PRR16: variants seen among roughly 807,000 people sequenced by gnomAD.
PRR16 encodes protein Largen.
In PRR16, 6 loss-of-function variants were observed where a neutral mutation model predicts 18.2. The observed-to-expected ratio is 0.33, with a 90% CI of 0.18 to 0.65. PRR16 has a LOEUF of 0.65. Among genes scored for constraint, PRR16 ranks in the 30% least tolerant of loss-of-function variants. PRR16 has a pLI of 0.74. For synonymous variants in PRR16, 151 were observed against 147.8 expected (o/e 1.02, Z -0.16); for missense variants, 412 against 376.6 (o/e 1.09, Z -0.78).
intron 1 of PRR16, among the ~76,000 whole-genome samples, chr5:120,605,459 CTT>C (rs1754123723): frequency 6.6e-6 from 1 of 152,092 alleles, no homozygotes; most frequent in African/African-American, 2.4e-5. Flanking sequence ...TGGGTTTAAA[CTT>C]TGTCCTGTAT....
At chr5:120,754,172 A>C in the PRR16 span, among the ~76,000 whole-genome samples, 2 of 17,132 alleles carry the variant, frequency 1.2e-4, no homozygotes, top group African/African-American at 4.2e-4. Flanking sequence ...TATAAATATA[A>C]ATATAAATAT....
At chr5:120,481,756 A>C (rs899887629) in intron 1 of PRR16, among the ~76,000 whole-genome samples, 3 of 152,182 alleles carry the variant, frequency 2.0e-5, no homozygotes, top group Non-Finnish European at 2.9e-5. Context: ...TTAGTGATAA[A>C]ATTTTAAATT....
chr5:120,701,796 G>A, the PRR16 span, among the ~76,000 whole-genome samples: 1 of 151,998 alleles, frequency 6.6e-6, no homozygotes, highest in Non-Finnish European at 1.5e-5. Context: ...GACTAGGAAG[G>A]GACTGATGTG....
the PRR16 span, among the ~76,000 whole-genome samples, chr5:120,726,583 T>C: frequency 6.6e-6 from 1 of 152,136 alleles, no homozygotes; most frequent in Non-Finnish European, 1.5e-5. Context: ...TTCTTACAAA[T>C]TTTAATGTTT....
chr5:120,619,035 CA>C (rs1754603827), intron 1 of PRR16, among the ~76,000 whole-genome samples: 1 of 152,096 alleles, frequency 6.6e-6, no homozygotes, highest in Admixed American at 6.6e-5. Context: ...TATAAACAGA[CA>C]GTATCCTTCT....
At chr5:120,714,884 A>G in the PRR16 span, among the ~76,000 whole-genome samples, 7 of 152,186 alleles carry the variant, frequency 4.6e-5, no homozygotes, top group African/African-American at 1.7e-4. Context: ...AAACTAACAC[A>G]GGAACAGAAA....
intron 1 of PRR16, among the ~76,000 whole-genome samples, chr5:120,477,019 T>A (rs1046370305): frequency 3.9e-5 from 6 of 152,180 alleles, no homozygotes; most frequent in Non-Finnish European, 7.4e-5. Context: ...TCTTTAATAA[T>A]CTTTCTTCAC....
At chr5:120,652,130 A>G (rs1252051099) in intron 1 of PRR16, among the ~76,000 whole-genome samples, 1 of 152,036 alleles carries the variant, frequency 6.6e-6, no homozygotes, top group Non-Finnish European at 1.5e-5. Context: ...GACTTCATTT[A>G]TGACTGTTTC....
chr5:120,691,288 T>G (rs1414777138), downstream of PRR16, among the ~76,000 whole-genome samples: 1 of 152,184 alleles, frequency 6.6e-6, no homozygotes, highest in Non-Finnish European at 1.5e-5. Flanking sequence ...GATCAGTTAT[T>G]TTGACGCTTG....
the PRR16 span, among the ~76,000 whole-genome samples, chr5:120,741,082 T>C: frequency 6.6e-6 from 1 of 152,048 alleles, no homozygotes; most frequent in African/African-American, 2.4e-5. Context: ...TTCTTCTGTA[T>C]CTGATATTTT....
chr5:120,734,571 T>C, the PRR16 span, among the ~76,000 whole-genome samples: 1 of 152,110 alleles, frequency 6.6e-6, no homozygotes, highest in African/African-American at 2.4e-5. Context: ...AAAATTCTTA[T>C]AGCAGTACCT....
chr5:120,598,134 T>C (rs541301792), intron 1 of PRR16, among the ~76,000 whole-genome samples: 4 of 152,030 alleles, frequency 2.6e-5, no homozygotes, highest in Non-Finnish European at 5.9e-5. Context: ...CTTGTGAGAA[T>C]TTTTTTCATA....
At chr5:120,791,238 T>A in the PRR16 span, among the ~76,000 whole-genome samples, 1 of 152,122 alleles carries the variant, frequency 6.6e-6, no homozygotes, top group Non-Finnish European at 1.5e-5. Flanking sequence ...TTGGCAAGCT[T>A]TTGTCATATT....
In PRR16 at chr5:120,481,932, A is replaced by G. The variant is rs371913426; in HGVS notation, c.159+17287A>G. Among the ~76,000 whole-genome samples the G allele has an allele frequency of 4.6e-5, 7 of 152,272 alleles. No individual in the cohort carries two copies. The East Asian group carries it at 5.8e-4, about 13-fold the overall frequency. Reference sequence around the variant, plus strand: ...AATCTGTCACTCTAACAGAAAATTGACTAATGGTTCTTTTTTATTGTTGTT... The same window carrying G: ...AATCTGTCACTCTAACAGAAAATTGGCTAATGGTTCTTTTTTATTGTTGTT... On this transcript the variant is annotated intron_variant, in intron 1 of 1. Coordinates refer to ENST00000407149, the MANE Select transcript of PRR16 (RefSeq NM_001300783.2).
At chr5:120,490,614 G>A (rs886204157) in intron 1 of PRR16, among the ~76,000 whole-genome samples, 12 of 152,046 alleles carry the variant, frequency 7.9e-5, no homozygotes, top group Admixed American at 4.6e-4. Context: ...CCTTTAGCTC[G>A]GAGTAGTTTG....
chr5:120,544,162 G>T (rs114379387), intron 1 of PRR16, among the ~76,000 whole-genome samples: 117 of 152,152 alleles, frequency 7.7e-4, no homozygotes, highest in African/African-American at 2.6e-3. Context: ...AAAACACAGG[G>T]CCCTGATGAC....
chr5:120,624,735 A>G (rs1754804005), intron 1 of PRR16, among the ~76,000 whole-genome samples: 1 of 152,192 alleles, frequency 6.6e-6, no homozygotes, highest in Non-Finnish European at 1.5e-5. Flanking sequence ...TAAATAAGGT[A>G]GAAAGGCTAC....
At chr5:120,705,207 T>C in the PRR16 span, among the ~76,000 whole-genome samples, 1 of 152,148 alleles carries the variant, frequency 6.6e-6, no homozygotes, top group Non-Finnish European at 1.5e-5. Context: ...AAAGTGATTA[T>C]GTATATATAA....
the PRR16 span, among the ~76,000 whole-genome samples, chr5:120,752,937 A>G: frequency 6.6e-6 from 1 of 151,416 alleles, no homozygotes; most frequent in South Asian, 2.1e-4. Flanking sequence ...AGACTTTTTC[A>G]TCTCTTTCAT....
Sources: gnomAD v4.1 joint callset for allele counts (sites outside exome capture counted in the v4.1 genomes callset) on GRCh38, gnomAD v4.1.1 for gene constraint, MANE v1.5 for transcripts, NCBI Gene and HGNC (gene_info 2026-07-23, HGNC 2026-07-21) for gene names.